The following PTPRM variants were observed in gnomAD, a reference collection of about 807,000 sequenced individuals.
PTPRM encodes protein tyrosine phosphatase receptor type M.
A neutral mutation model predicts 186.7 loss-of-function variants in PTPRM; 47 were observed. The ratio of observed to expected loss-of-function variants is 0.25; its 90% CI spans 0.20 to 0.32. The LOEUF is 0.32. PTPRM is among the 10% of genes least tolerant of loss of function. The pLI is 1.00. For missense variants in PTPRM, 1,494 were observed against 1,865.0 expected (o/e 0.80, Z 3.66); for synonymous variants, 668 against 674.9 (o/e 0.99, Z 0.16).
At chr18:8,120,488 CTTTCTTTT>C (rs2092127479) in intron 13 of PTPRM, among the ~76,000 whole-genome samples, 1 of 142,152 alleles carries the variant, frequency 7.0e-6, no homozygotes, top group Admixed American at 6.9e-5. Flanking sequence ...TTCTTTCTTT[CTTTCTTTT>C]TTTTTTTTTT....
At chr18:7,813,830 A>G (rs2044661140) in intron 2 of PTPRM, among the ~76,000 whole-genome samples, 1 of 151,644 alleles carries the variant, frequency 6.6e-6, no homozygotes, top group Admixed American at 6.6e-5. Context: ...CTAGATTACT[A>G]ATTTATTCTT....
chr18:7,837,132 A>G (rs2046090132), intron 2 of PTPRM, among the ~76,000 whole-genome samples: 1 of 152,186 alleles, frequency 6.6e-6, no homozygotes, highest in African/African-American at 2.4e-5. Context: ...TTTTAAGTCC[A>G]ATAACTCTTA....
intron 11 of PTPRM, among the ~76,000 whole-genome samples, chr18:8,094,522 TGG>T (rs1423744375): frequency 6.6e-6 from 1 of 152,126 alleles, no homozygotes; most frequent in African/African-American, 2.4e-5. Flanking sequence ...TGCTTGAGCC[TGG>T]GAGTGCAAGA....
intron 7 of PTPRM, among the ~76,000 whole-genome samples, chr18:8,018,312 G>A (rs1344623904): frequency 1.3e-5 from 2 of 152,094 alleles, no homozygotes; most frequent in Non-Finnish European, 2.9e-5. Context: ...TAGGTATTTG[G>A]GGGGAACCTT....
At chr18:7,706,297 A>G (rs961330529) in intron 1 of PTPRM, among the ~76,000 whole-genome samples, 1 of 151,930 alleles carries the variant, frequency 6.6e-6, no homozygotes, top group African/African-American at 2.4e-5. Flanking sequence ...ACAGTAGCTC[A>G]AAAGAGATGC....
chr18:8,373,685 AC>A (rs1304355747), intron 24 of PTPRM, among the ~76,000 whole-genome samples: 3 of 152,174 alleles, frequency 2.0e-5, no homozygotes, highest in Admixed American at 6.5e-5. Flanking sequence ...TTTCTTAAGC[AC>A]CCACTTCAGG....
At chr18:8,331,828 A>G (rs1431545120) in intron 22 of PTPRM, among the ~76,000 whole-genome samples, 1 of 152,042 alleles carries the variant, frequency 6.6e-6, no homozygotes, top group African/African-American at 2.4e-5. Flanking sequence ...CAACAGCTGC[A>G]TCCTAAGCTG....
intron 11 of PTPRM, among the ~76,000 whole-genome samples, chr18:8,094,812 C>T (rs1257482439): frequency 6.6e-6 from 1 of 152,104 alleles, no homozygotes; most frequent in East Asian, 1.9e-4. Context: ...CAAATAATCA[C>T]TCACTTTATA....
intron 14 of PTPRM, among the ~76,000 whole-genome samples, chr18:8,204,035 A>G (rs1454642687): frequency 6.6e-6 from 1 of 152,150 alleles, no homozygotes; most frequent in African/African-American, 2.4e-5. Context: ...TGCCAACCAC[A>G]AGATGGTTTT....
intron 7 of PTPRM, among the ~76,000 whole-genome samples, chr18:7,957,094 T>G (rs1158096235): frequency 6.6e-6 from 1 of 152,204 alleles, no homozygotes; most frequent in Non-Finnish European, 1.5e-5. Flanking sequence ...AATTTCATTG[T>G]TTAGACTGGA....
rs2095907385 is a variant in PTPRM at position 8,406,604 on chromosome 18, G to C, written c.*442G>C. ...TTAGGTAATATTTGTACTTTAACATGTTGCATAATATATGCTTATGTAGCT... is the reference window on the plus strand; with the variant it reads ...TTAGGTAATATTTGTACTTTAACATCTTGCATAATATATGCTTATGTAGCT... On this transcript the variant is annotated 3_prime_UTR_variant, in exon 33 of 33. Transcript: ENST00000580170. 1 of 162,866 alleles carries C rather than the reference G, an allele frequency of 6.1e-6. No individual in the cohort carries two copies. Among genetic ancestry groups the C allele is most frequent in the African/African-American group, 2.4e-5 (1 of 41,524 alleles). 10.1% of individuals were successfully genotyped at this position (162,866 alleles called of 1,614,324 possible).
chr18:7,776,418 G>T (rs1213875371), intron 2 of PTPRM, among the ~76,000 whole-genome samples: 2 of 152,198 alleles, frequency 1.3e-5, no homozygotes, highest in African/African-American at 2.4e-5. Context: ...ATGTGCATGG[G>T]TGCAGCTCAG....
chr18:8,401,685 C>A (rs1009733821), intron 32 of PTPRM, among the ~76,000 whole-genome samples: 3 of 152,248 alleles, frequency 2.0e-5, no homozygotes, highest in African/African-American at 7.2e-5. Context: ...ACACAGGCAG[C>A]CTGCGCAGAC....
intron 7 of PTPRM, among the ~76,000 whole-genome samples, chr18:8,000,096 C>A (rs780438741): frequency 6.6e-5 from 10 of 152,210 alleles, no homozygotes; most frequent in Non-Finnish European, 1.2e-4. Context: ...TTGGACAAGG[C>A]CCACCTGCAT....
chr18:7,820,199 G>A (rs1166337644), intron 2 of PTPRM, among the ~76,000 whole-genome samples: 1 of 152,164 alleles, frequency 6.6e-6, no homozygotes, highest in African/African-American at 2.4e-5. Flanking sequence ...CTCAATGGCA[G>A]TGGGAAGCTT....
chr18:8,087,083 G>A lies in PTPRM; in HGVS notation c.1753+1211G>A, dbSNP rs1017498323. 3.9e-5 allele frequency among the ~76,000 whole-genome samples: 6 copies of A among 151,936 alleles called. No homozygotes were observed. In the East Asian group the frequency reaches 9.6e-4, roughly 24 times the overall value. On this transcript the variant is annotated intron_variant, in intron 10 of 32. Coordinates refer to ENST00000580170, the MANE Select transcript of PTPRM (RefSeq NM_001105244.2). Reference sequence around the variant, plus strand: ...TAGGTTCTAGTTATGATTTTGCCAGGCACTTCCTCTCTGATTTTGATCAAA... The same window carrying A: ...TAGGTTCTAGTTATGATTTTGCCAGACACTTCCTCTCTGATTTTGATCAAA...
intron 1 of PTPRM, among the ~76,000 whole-genome samples, chr18:7,651,849 C>A (rs944916407): frequency 3.3e-5 from 5 of 152,048 alleles, no homozygotes; most frequent in African/African-American, 1.2e-4. Flanking sequence ...TGGGCAAGGA[C>A]TTCATGTCTA....
At chr18:7,840,108 T>TG (rs2046251733) in intron 2 of PTPRM, among the ~76,000 whole-genome samples, 1 of 44,968 alleles carries the variant, frequency 2.2e-5, no homozygotes, top group Admixed American at 2.4e-4. Flanking sequence ...GGCAGGGTGA[T>TG]GGGGGAGGGG....
chr18:7,661,865 T>C (rs1399726566), intron 1 of PTPRM, among the ~76,000 whole-genome samples: 1 of 152,168 alleles, frequency 6.6e-6, no homozygotes, highest in Non-Finnish European at 1.5e-5. Context: ...ATAATTGTTA[T>C]TGCCATTCTG....
Sources: allele counts gnomAD v4.1 joint callset (sites outside exome capture counted in the v4.1 genomes callset), GRCh38; gene constraint gnomAD v4.1.1; transcripts MANE v1.5; gene names NCBI Gene and HGNC (gene_info 2026-07-23, HGNC 2026-07-21).